The following TRIM37 variants were observed in gnomAD, a reference collection of about 807,000 sequenced individuals.
The protein encoded by TRIM37 is tripartite motif containing 37.
Under a neutral mutation model 129.8 loss-of-function variants are expected in TRIM37, and 80 were observed. The ratio of observed to expected loss-of-function variants is 0.62; its 90% confidence interval spans 0.51 to 0.74. The LOEUF (loss-of-function observed/expected upper bound fraction) is 0.74, where lower values mean the gene tolerates loss of function less well. TRIM37 is among the 30% of genes least tolerant of loss of function. The pLI is 0.00. For synonymous variants in TRIM37, 389 were observed against 387.1 expected (o/e 1.00, Z -0.06); for missense variants, 1,054 against 1,176.5 (o/e 0.90, Z 1.52).
intron 23 of TRIM37, 23 bp from the exon 24 acceptor site, chr17:58,999,482 A>T (rs761824881): frequency 8.3e-6 from 13 of 1,561,788 alleles, no homozygotes; most frequent in Non-Finnish European, 9.6e-6. Flanking sequence ...AATAAATAAA[A>T]AATTTAAAAT....
intron 24 of TRIM37, among the ~76,000 whole-genome samples, chr17:58,989,389 T>C (rs533209066): frequency 6.6e-6 from 1 of 152,050 alleles, no homozygotes; most frequent in African/African-American, 2.4e-5. Flanking sequence ...TGAGCTGAGA[T>C]TGCACCACTG....
At chr17:59,084,980 G>A (rs1442563885) in intron 4 of TRIM37, among the ~76,000 whole-genome samples, 2 of 152,180 alleles carry the variant, frequency 1.3e-5, no homozygotes, top group Non-Finnish European at 2.9e-5. Context: ...GTATTGTTAT[G>A]AAAGACCTAG....
At chr17:59,105,302 C>T (rs2045894521) in intron 1 of TRIM37, among the ~76,000 whole-genome samples, 2 of 152,060 alleles carry the variant, frequency 1.3e-5, no homozygotes, top group African/African-American at 2.4e-5. Context: ...AATTGCTGCC[C>T]TGATGTTACA....
intron 4 of TRIM37, among the ~76,000 whole-genome samples, chr17:59,087,452 CTCTT>C (rs757378417): frequency 6.0e-4 from 89 of 147,266 alleles, no homozygotes; most frequent in African/African-American, 1.5e-3. Flanking sequence ...ATAATTAAGC[CTCTT>C]TCTTTTTTTT....
At chr17:58,995,990 G>C (rs1245055086), downstream of TRIM37, among the ~76,000 whole-genome samples, 1 of 151,904 alleles carries the variant, frequency 6.6e-6, no homozygotes. Context: ...AACAAAGCCA[G>C]ACCCTGTCTT....
Position 59,064,370 on chromosome 17 carries a change from A to C in TRIM37, c.845T>G (p.Val282Gly), listed in dbSNP as rs749526956. The change falls in exon 10 of 24, where the codon GTT becomes GGT. Residue 282 changes from valine to glycine, a missense_variant. Val to Gly is a moderately radical substitution (Grantham distance 109, BLOSUM62 -3). Around this residue, in one of 3 missense-constraint regions of TRIM37, gnomAD observed 752 missense variants for 870.8 expected, o/e 0.86. Coordinates refer to ENST00000262294, the MANE Select transcript of TRIM37 (RefSeq NM_015294.6). ...LVPSYDSATF[V>G]LENFSTLRQR... Reference sequence around the variant, plus strand: ...AAACTCTTACCTGAAATTCTCTAAAACAAAAGTAGCTGAATCGTAAGATGG... The same window carrying C: ...AAACTCTTACCTGAAATTCTCTAAACCAAAAGTAGCTGAATCGTAAGATGG... 3.1e-6 allele frequency: 5 copies of C among 1,602,540 alleles called. No individual in the cohort carries two copies. The Admixed American group carries it at 8.5e-5, about 27-fold the overall frequency.
chr17:59,020,521 A>G (rs1408648459), intron 19 of TRIM37, among the ~76,000 whole-genome samples: 1 of 152,110 alleles, frequency 6.6e-6, no homozygotes, highest in Non-Finnish European at 1.5e-5. Flanking sequence ...CCCAAATATA[A>G]TTAGTTTTTC....
At chr17:58,987,213 G>C (rs1053276242) in intron 24 of TRIM37, among the ~76,000 whole-genome samples, 1 of 152,164 alleles carries the variant, frequency 6.6e-6, no homozygotes, top group Non-Finnish European at 1.5e-5. Context: ...TGAGTAACTG[G>C]AGTTTAACTA....
chr17:59,064,396 C>A lies in TRIM37; in HGVS notation c.819G>T (p.Val273=), dbSNP rs764428828. Residue 273 remains valine, a synonymous_variant, in exon 10 of 24, where the codon GTG becomes GTT. Coordinates refer to ENST00000262294, the MANE Select transcript of TRIM37 (RefSeq NM_015294.6). ...PVPPDFTSEL[V]PSYDSATFVL... is the part of the protein sequence containing the mutation. Reference sequence around the variant, plus strand: ...CAAAAGTAGCTGAATCGTAAGATGGCACTAATTCACTAAAAAAAAAAAGGC... The same window carrying A: ...CAAAAGTAGCTGAATCGTAAGATGGAACTAATTCACTAAAAAAAAAAAGGC... 3.4e-5 allele frequency: 54 copies of A among 1,581,004 alleles called. No individual in the cohort carries two copies. In the South Asian group the frequency reaches 6.2e-4, roughly 18 times the overall value.
intron 4 of TRIM37, among the ~76,000 whole-genome samples, chr17:59,085,573 C>A (rs1012823138): frequency 2.6e-5 from 4 of 152,090 alleles, no homozygotes; most frequent in African/African-American, 7.2e-5. Flanking sequence ...GAAACTGGAA[C>A]CCTTGTGCAC....
chr17:59,046,972 G>A (rs1321462477), intron 16 of TRIM37, among the ~76,000 whole-genome samples: 1 of 150,288 alleles, frequency 6.7e-6, no homozygotes, highest in Non-Finnish European at 1.5e-5. Flanking sequence ...GGCTAACACG[G>A]TGAAACCCCG....
intron 19 of TRIM37, among the ~76,000 whole-genome samples, chr17:59,023,988 TG>T (rs2036924425): frequency 6.6e-6 from 1 of 151,782 alleles, no homozygotes. Flanking sequence ...CCGAGGTGGG[TG>T]GATCACCTGA....
chr17:58,980,378 G>T, downstream of TRIM37: 1 of 1,614,134 alleles, frequency 6.2e-7, no homozygotes, highest in African/African-American at 1.3e-5. This position sits in a 1 kb window ranked among gnomAD's most constrained non-coding sequence, Gnocchi z 4.7. Context: ...AGCACCAGCC[G>T]ACCTAGGCTA....
chr17:59,006,010 C>T (rs531986469), intron 22 of TRIM37, among the ~76,000 whole-genome samples: 2 of 152,242 alleles, frequency 1.3e-5, no homozygotes, highest in African/African-American at 4.8e-5. Flanking sequence ...TAGATTCCTT[C>T]AAATCAGTAA....
chr17:58,968,102 A>G, the TRIM37 span, among the ~76,000 whole-genome samples: 1 of 152,124 alleles, frequency 6.6e-6, no homozygotes, highest in Non-Finnish European at 1.5e-5. Flanking sequence ...GCACCCGGCC[A>G]GGATTATTTC....
intron 9 of TRIM37, among the ~76,000 whole-genome samples, chr17:59,067,821 C>G (rs926337882): frequency 2.1e-5 from 3 of 144,174 alleles, no homozygotes; most frequent in African/African-American, 4.9e-5. Flanking sequence ...CAGGCATGAG[C>G]CACCGCGCCC....
chr17:59,027,152 C>T (rs193002478), intron 19 of TRIM37, among the ~76,000 whole-genome samples: 3 of 152,216 alleles, frequency 2.0e-5, no homozygotes, highest in Admixed American at 6.5e-5. Flanking sequence ...GTACCATTCA[C>T]GTGTCTATGA....
downstream of TRIM37, among the ~76,000 whole-genome samples, chr17:58,978,819 C>T (rs1479178385): frequency 2.6e-5 from 4 of 152,222 alleles, no homozygotes; most frequent in Non-Finnish European, 1.5e-5. Flanking sequence ...GGAATGTAAT[C>T]AATGTAAACA....
At chr17:59,041,947 T>C (rs911190126) in intron 16 of TRIM37, 49 bp from the exon 17 acceptor site, 3 of 1,418,848 alleles carry the variant, frequency 2.1e-6, no homozygotes, top group East Asian at 2.3e-5. Flanking sequence ...ACAATAAACG[T>C]TGTTTTTCAC....
Sources: allele counts gnomAD v4.1 joint callset (sites outside exome capture counted in the v4.1 genomes callset), GRCh38; gene constraint gnomAD v4.1.1; regional missense constraint gnomAD v4.1.1; non-coding constraint Gnocchi (gnomAD v3.1); transcripts MANE v1.5; gene names NCBI Gene and HGNC (gene_info 2026-07-23, HGNC 2026-07-21).